Variants in TAX1BP1 observed in about 807,000 individuals in gnomAD.
The protein encoded by TAX1BP1 is Tax1 binding protein 1, also known as tax1-binding protein 1.
TAX1BP1 carries 62 observed loss-of-function variants against 97.7 expected under a neutral mutation model. The observed-to-expected ratio is 0.63, with a 90% CI of 0.52 to 0.78. The LOEUF (loss-of-function observed/expected upper bound fraction) is 0.78, where lower values mean the gene tolerates loss of function less well. Ranked by LOEUF, TAX1BP1 falls within the 30% of genes least tolerant of loss-of-function variation. The pLI is 0.00. For missense variants in TAX1BP1, 867 were observed against 916.1 expected (o/e 0.95, Z 0.69); for synonymous variants, 340 against 304.2 (o/e 1.12, Z -1.23).
chr7:27,789,249 G>A (rs1375853534), intron 8 of TAX1BP1, among the ~76,000 whole-genome samples: 1 of 151,842 alleles, frequency 6.6e-6, no homozygotes, highest in African/African-American at 2.4e-5. Context: ...TTATAAATTT[G>A]TAATATAATT....
chr7:27,816,126 T>C (rs1790759393), intron 13 of TAX1BP1, among the ~76,000 whole-genome samples: 1 of 152,234 alleles, frequency 6.6e-6, no homozygotes, highest in Non-Finnish European at 1.5e-5. Flanking sequence ...ACAAATAAAT[T>C]TGAAAATACA....
intron 2 of TAX1BP1, among the ~76,000 whole-genome samples, chr7:27,757,496 A>T (rs1788266447): frequency 6.6e-6 from 1 of 152,102 alleles, no homozygotes; most frequent in Non-Finnish European, 1.5e-5. Context: ...AAACACTTAC[A>T]TTGGAGGTAT....
intron 5 of TAX1BP1, among the ~76,000 whole-genome samples, chr7:27,775,360 G>A (rs1315981143): frequency 6.6e-6 from 1 of 152,146 alleles, no homozygotes; most frequent in African/African-American, 2.4e-5. Context: ...ATAATGGTAT[G>A]GTTAGATGAA....
chr7:27,819,015 T>G (rs1360346181), intron 15 of TAX1BP1, among the ~76,000 whole-genome samples: 1 of 152,164 alleles, frequency 6.6e-6, no homozygotes, highest in Non-Finnish European at 1.5e-5. Flanking sequence ...AGAAATACAG[T>G]AAGTCCTCAC....
chr7:27,814,016 A>G (rs996375833), intron 13 of TAX1BP1, among the ~76,000 whole-genome samples: 4 of 152,024 alleles, frequency 2.6e-5, no homozygotes, highest in Non-Finnish European at 5.9e-5. Context: ...CAGCAGGTTG[A>G]AAGAAATAAC....
chr7:27,771,098 T>C (rs1462311497), intron 5 of TAX1BP1, among the ~76,000 whole-genome samples: 1 of 9,152 alleles, frequency 1.1e-4, no homozygotes, highest in Admixed American at 1.0e-3. Flanking sequence ...CATTCAGCAA[T>C]TTTTTTTTTT....
At chr7:27,819,409 C>A (rs899826417) in intron 15 of TAX1BP1, among the ~76,000 whole-genome samples, 1 of 152,168 alleles carries the variant, frequency 6.6e-6, no homozygotes, top group Admixed American at 6.5e-5. Flanking sequence ...GACAAGCCAC[C>A]TTCATTTCCT....
At chr7:27,808,907 C>G (rs1465728367) in intron 13 of TAX1BP1, among the ~76,000 whole-genome samples, 1 of 152,112 alleles carries the variant, frequency 6.6e-6, no homozygotes, top group African/African-American at 2.4e-5. Flanking sequence ...TAGGAGAGGT[C>G]CCCCAGGGAT....
intron 2 of TAX1BP1, among the ~76,000 whole-genome samples, chr7:27,753,933 T>C (rs1788112278): frequency 6.6e-6 from 1 of 152,136 alleles, no homozygotes; most frequent in South Asian, 2.1e-4. Flanking sequence ...GTCCATGAGT[T>C]TTTGTTTTTT....
chr7:27,743,759 G>T (rs1787706224), intron 1 of TAX1BP1, among the ~76,000 whole-genome samples: 1 of 139,482 alleles, frequency 7.2e-6, no homozygotes, highest in African/African-American at 2.6e-5. Flanking sequence ...AGTTAGTTTA[G>T]TATCTTTATT....
At chr7:27,796,303 C>A (rs761946007) in intron 12 of TAX1BP1, 84 bp downstream of exon 12, 1 of 1,124,262 alleles carries the variant, frequency 8.9e-7, no homozygotes, top group Admixed American at 2.8e-5. Context: ...TGATTGGTAT[C>A]TTTGAGTTTC....
chr7:27,745,064 G>T (rs1001750048), intron 1 of TAX1BP1, among the ~76,000 whole-genome samples: 1 of 152,262 alleles, frequency 6.6e-6, no homozygotes, highest in African/African-American at 2.4e-5. Flanking sequence ...TTGACTGGAC[G>T]TTTCATACTT....
At chr7:27,802,226 C>G (rs968309521) in intron 13 of TAX1BP1, among the ~76,000 whole-genome samples, 9 of 152,130 alleles carry the variant, frequency 5.9e-5, no homozygotes, top group Non-Finnish European at 1.0e-4. Flanking sequence ...AGAAAAGAGA[C>G]CCAATCACAG....
At chr7:27,748,433 CTTATA>C (rs1787906304) in intron 1 of TAX1BP1, 80 bp from the exon 2 acceptor site, 2 of 936,822 alleles carry the variant, frequency 2.1e-6, no homozygotes, top group South Asian at 4.4e-5. Context: ...ATTCATGAAA[CTTATA>C]TTAAATATTA....
At position 27,816,935 on chromosome 7, in the gene TAX1BP1, C is replaced by T. The variant is rs1016635862; in HGVS notation, c.1982C>T (p.Pro661Leu). ...AFYPDEIQRP[P>L]VRVPSWGLED... ...TACCCAGATGAAATACAAAGGCCAC[C>T]TGTCAGAGTCCCCTCTTGGGGACTG... The change falls in exon 15 of 17, where the codon CCT becomes CTT. Residue 661 changes from proline (P) to leucine (L), a missense_variant. Transcript: ENST00000396319. The T allele has an allele frequency of 1.2e-6, 2 of 1,613,890 alleles. No homozygotes were observed. Among genetic ancestry groups the T allele is most frequent in the Non-Finnish European group, 1.7e-6 (2 of 1,179,984 alleles).
chr7:27,781,150 T>C (rs986420342), intron 5 of TAX1BP1, among the ~76,000 whole-genome samples: 2 of 152,194 alleles, frequency 1.3e-5, no homozygotes, highest in African/African-American at 2.4e-5. Flanking sequence ...ACCACAAAAA[T>C]AGTGCTTGGA....
intron 15 of TAX1BP1, among the ~76,000 whole-genome samples, chr7:27,827,193 AAAT>A (rs982831983): frequency 1.3e-5 from 2 of 152,148 alleles, no homozygotes; most frequent in Admixed American, 1.3e-4. Flanking sequence ...CTCTACTAAA[AAAT>A]ACAAAAATTA....
chr7:27,787,841 G>A (rs767592559), intron 8 of TAX1BP1, among the ~76,000 whole-genome samples: 8 of 151,810 alleles, frequency 5.3e-5, no homozygotes, highest in African/African-American at 1.7e-4. Flanking sequence ...CAAGTATTAC[G>A]ATAATTTACT....
chr7:27,745,051 T>C (rs1787767667), intron 1 of TAX1BP1, among the ~76,000 whole-genome samples: 1 of 152,208 alleles, frequency 6.6e-6, no homozygotes, highest in Admixed American at 6.5e-5. Flanking sequence ...GGCCCCTTAA[T>C]TGTTGACTGG....
Sources: gnomAD v4.1 joint callset for allele counts (sites outside exome capture counted in the v4.1 genomes callset) on GRCh38, gnomAD v4.1.1 for gene constraint, MANE v1.5 for transcripts, NCBI Gene and HGNC (gene_info 2026-07-23, HGNC 2026-07-21) for gene names.